RAB38: variants seen among roughly 807,000 people sequenced by gnomAD.
RAB38 encodes the protein RAB38, member RAS oncogene family.
RAB38 carries 15 observed loss-of-function variants against 18.4 expected under a neutral mutation model. The ratio of observed to expected loss-of-function variants is 0.82; its 90% CI spans 0.55 to 1.26. The LOEUF (loss-of-function observed/expected upper bound fraction) is 1.26. Among genes scored for constraint, RAB38 ranks in the 50% most tolerant of loss-of-function variants. The pLI, the probability that RAB38 is intolerant of heterozygous loss-of-function variation, is 0.00. For missense variants in RAB38, 294 were observed against 267.4 expected, an observed-to-expected ratio of 1.10 and a Z score of -0.69; for synonymous variants, 101 against 104.4, an observed-to-expected ratio of 0.97 and a Z score of 0.20.
At chr11:87,957,422 A>C in the RAB38 span, among the ~76,000 whole-genome samples, 37 of 152,136 alleles carry the variant, frequency 2.4e-4, no homozygotes, top group African/African-American at 7.9e-4. Context: ...AAGTTTATTT[A>C]ACCAGGGTTT....
the RAB38 span, among the ~76,000 whole-genome samples, chr11:87,892,664 T>C: frequency 1.8e-4 from 27 of 151,822 alleles, no homozygotes; most frequent in Non-Finnish European, 2.9e-5. Context: ...ACCTGAGGAA[T>C]TGATTTTTGA....
chr11:87,804,073 G>A, the RAB38 span, among the ~76,000 whole-genome samples: 8 of 152,154 alleles, frequency 5.3e-5, no homozygotes, highest in African/African-American at 1.4e-4. Flanking sequence ...TTATTGTTTT[G>A]TAACTGAACC....
the RAB38 span, among the ~76,000 whole-genome samples, chr11:87,872,676 G>T: frequency 3.3e-5 from 5 of 151,482 alleles, no homozygotes; most frequent in Non-Finnish European, 5.9e-5. Context: ...ATATCATATG[G>T]TTGGAATCTT....
chr11:87,833,674 T>A, the RAB38 span, among the ~76,000 whole-genome samples: 37,565 of 152,196 alleles, frequency 0.25, 5,908 homozygotes, highest in African/African-American at 0.44. Flanking sequence ...GAAACTGAAG[T>A]ACAGAGTTGT....
At chr11:88,005,699 C>T in the RAB38 span, among the ~76,000 whole-genome samples, 53 of 148,442 alleles carry the variant, frequency 3.6e-4, no homozygotes, top group African/African-American at 1.2e-3. Context: ...GAGCTTTTCC[C>T]TGTTTTTTAC....
chr11:88,165,708 T>G (rs971953234), intron 1 of RAB38: 1 of 152,118 alleles, frequency 6.6e-6, no homozygotes, highest in Non-Finnish European at 1.5e-5. Flanking sequence ...AACTATTAAC[T>G]ATCCTTTTAT....
At chr11:88,012,454 ACTGG>A in the RAB38 span, among the ~76,000 whole-genome samples, 1 of 152,174 alleles carries the variant, frequency 6.6e-6, no homozygotes, top group African/African-American at 2.4e-5. Context: ...TATGGAACTT[ACTGG>A]ATTATTTTTC....
chr11:87,975,842 A>G, the RAB38 span, among the ~76,000 whole-genome samples: 4 of 151,682 alleles, frequency 2.6e-5, no homozygotes, highest in Admixed American at 6.6e-5. Context: ...ATCAAGACTG[A>G]CCAAAGAAAA....
chr11:87,932,423 T>G, the RAB38 span, among the ~76,000 whole-genome samples: 1 of 152,038 alleles, frequency 6.6e-6, no homozygotes, highest in Non-Finnish European at 1.5e-5. Context: ...GAGAAGTTTG[T>G]GCAGGGGTTT....
chr11:88,170,882 T>G (rs530741258), intron 1 of RAB38, among the ~76,000 whole-genome samples: 1 of 152,362 alleles, frequency 6.6e-6, no homozygotes, highest in Admixed American at 6.5e-5. Flanking sequence ...TGGGTTTTTT[T>G]ATTACCAACA....
the RAB38 span, among the ~76,000 whole-genome samples, chr11:88,101,121 C>A: frequency 6.6e-6 from 1 of 151,908 alleles, no homozygotes; most frequent in Non-Finnish European, 1.5e-5. Context: ...CTGGAAAGGC[C>A]TTCTGCTGGG....
chr11:88,033,852 C>G, the RAB38 span, among the ~76,000 whole-genome samples: 1 of 151,532 alleles, frequency 6.6e-6, no homozygotes, highest in African/African-American at 2.4e-5. Flanking sequence ...CTCAGCCTCC[C>G]AAGTAGCTGG....
At chr11:87,894,321 C>A in the RAB38 span, among the ~76,000 whole-genome samples, 1 of 151,552 alleles carries the variant, frequency 6.6e-6, no homozygotes, top group South Asian at 2.1e-4. Context: ...ATGCTATTCC[C>A]CAGTGTAAAA....
At chr11:87,859,170 A>G in the RAB38 span, among the ~76,000 whole-genome samples, 9,889 of 151,888 alleles carry the variant, frequency 0.065, 441 homozygotes, top group Admixed American at 0.14. Flanking sequence ...GTAAAATAAA[A>G]TTTTAAAAAT....
chr11:87,921,759 A>G, the RAB38 span, among the ~76,000 whole-genome samples: 1 of 151,830 alleles, frequency 6.6e-6, no homozygotes, highest in Non-Finnish European at 1.5e-5. Flanking sequence ...GTTTTAAATG[A>G]ATAACTGAGT....
At chr11:87,842,815 C>T in the RAB38 span, among the ~76,000 whole-genome samples, 36 of 59,404 alleles carry the variant, frequency 6.1e-4, no homozygotes, top group African/African-American at 2.5e-3. Context: ...CACACGCGCG[C>T]GCACACACAC....
chr11:87,968,747 T>C, the RAB38 span, among the ~76,000 whole-genome samples: 1 of 152,276 alleles, frequency 6.6e-6, no homozygotes, highest in African/African-American at 2.4e-5. Context: ...TCTTATTTTA[T>C]TGCAGACTTG....
the RAB38 span, among the ~76,000 whole-genome samples, chr11:87,898,584 G>A: frequency 1.3e-5 from 2 of 151,628 alleles, no homozygotes; most frequent in African/African-American, 4.8e-5. Context: ...CACATACTAG[G>A]TGCCTAATAA....
chr11:87,871,993 T>C, the RAB38 span, among the ~76,000 whole-genome samples: 1 of 151,590 alleles, frequency 6.6e-6, no homozygotes, highest in East Asian at 2.0e-4. Context: ...GTTGGATATA[T>C]ATACATCAAA....
Sources: allele counts gnomAD v4.1 joint callset (sites outside exome capture counted in the v4.1 genomes callset), GRCh38; gene constraint gnomAD v4.1.1; transcripts MANE v1.5; gene names NCBI Gene and HGNC (gene_info 2026-07-23, HGNC 2026-07-21).